CDKN2A: variants seen among roughly 807,000 people sequenced by gnomAD.
The protein encoded by CDKN2A is cyclin-dependent kinase inhibitor 2A.
A neutral mutation model predicts 11.1 loss-of-function variants in CDKN2A; 3 were observed. The ratio of observed to expected loss-of-function variants is 0.27; its 90% CI spans 0.12 to 0.70. The LOEUF (loss-of-function observed/expected upper bound fraction) is 0.70. Ranked by LOEUF, CDKN2A falls within the 30% of genes least tolerant of loss-of-function variation. The pLI is 0.77. For missense variants in CDKN2A, 265 were observed against 233.6 expected, an observed-to-expected ratio of 1.13 and a Z score of -0.88; for synonymous variants, 122 against 108.1, an observed-to-expected ratio of 1.13 and a Z score of -0.80.
chr9:21,968,641 C>T lies in CDKN2A; in HGVS notation c.458-399G>A. On this transcript the variant is annotated intron_variant, in intron 2 of 2. Coordinates refer to ENST00000304494, the MANE Select transcript of CDKN2A (RefSeq NM_000077.5). The surrounding 1 kb of genome is among the most constrained non-coding windows in gnomAD (Gnocchi z 4.7). ...CCGCATCCCCAGGCATCTTTTGCAC[C>T]TGGTGCGGAGTGAGCCAGCCAGCTT... 1.3e-6 allele frequency: 2 copies of T among 1,527,364 alleles called. No individual in the cohort carries two copies. Among genetic ancestry groups the T allele is most frequent in the East Asian group, 2.4e-5 (1 of 40,820 alleles). The allele number at this position is 1,527,364 out of a possible 1,614,324, so 94.6% of individuals were successfully genotyped here. A position where few individuals can be genotyped will look rare whatever the true frequency, so the allele number is the denominator to read the frequency against.
intron 2 of CDKN2A, among the ~76,000 whole-genome samples, chr9:21,986,265 C>T (rs563430909): frequency 6.6e-6 from 1 of 152,108 alleles, no homozygotes; most frequent in African/African-American, 2.4e-5. Context: ...CCACTTATTG[C>T]TTTTAAATTA....
At chr9:21,981,785 G>A (rs1820204321) in intron 2 of CDKN2A, among the ~76,000 whole-genome samples, 1 of 152,088 alleles carries the variant, frequency 6.6e-6, no homozygotes, top group Non-Finnish European at 1.5e-5. Context: ...AATGTGGGTG[G>A]TAAGAGCATT....
Position 21,974,488 on chromosome 9 carries a change from C to A in CDKN2A, c.150+190G>T, listed in dbSNP as rs1819929841. Reference sequence around the variant, plus strand: ...ACGCGCGTGGCTCCTCATTCCTCTTCCTTGGCTTCCCAAGCCCCCAGGGCG... The same window carrying A: ...ACGCGCGTGGCTCCTCATTCCTCTTACTTGGCTTCCCAAGCCCCCAGGGCG... On this transcript the variant is annotated intron_variant, in intron 1 of 2. Coordinates refer to ENST00000304494, the MANE Select transcript of CDKN2A (RefSeq NM_000077.5). This position sits in a 1 kb window ranked among gnomAD's most constrained non-coding sequence, Gnocchi z 5.2. The A allele has an allele frequency of 1.2e-6, 2 of 1,612,824 alleles. No individual in the cohort carries two copies. The highest frequency in any genetic ancestry group is 1.1e-5 in the South Asian group (1 of 90,226).
upstream of CDKN2A, chr9:21,974,915 GC>G: frequency 7.0e-7 from 1 of 1,435,308 alleles, no homozygotes; most frequent in Non-Finnish European, 9.1e-7. This position sits in a 1 kb window ranked among gnomAD's most constrained non-coding sequence, Gnocchi z 5.2. Flanking sequence ...TGACCAGCCA[GC>G]CCCTCCTCTT....
chr9:21,994,293 G>A lies in CDKN2A; in HGVS notation c.-175-240C>T, dbSNP rs747061582. On this transcript the variant is annotated intron_variant, in intron 1 of 3. Transcript: ENST00000494262. ...CCCTCACTCGCGGCGGGCCGCACGCGCGCCGAATCCGGAGGGTCACCAAGA... is the reference window on the plus strand; with the variant it reads ...CCCTCACTCGCGGCGGGCCGCACGCACGCCGAATCCGGAGGGTCACCAAGA... 5 of 1,604,152 alleles carry A rather than the reference G, an allele frequency of 3.1e-6. No individual in the cohort carries two copies. Among genetic ancestry groups the A allele is most frequent in the East Asian group, 2.2e-5 (1 of 44,652 alleles).
At chr9:21,990,611 T>TGAGAGAGAGAGAGAGAGAGA (rs60431211) in intron 2 of CDKN2A, among the ~76,000 whole-genome samples, 4,908 of 89,362 alleles carry the variant, frequency 0.055, 732 homozygotes, top group East Asian at 0.07. Flanking sequence ...ACTAATTTGG[T>TGAGAGAGAGAGAGAGAGAGA]GAGAGAGAGA....
intron 1 of CDKN2A, among the ~76,000 whole-genome samples, chr9:21,973,624 G>A (rs1819881917): frequency 6.6e-6 from 1 of 152,074 alleles, no homozygotes; most frequent in African/African-American, 2.4e-5. Context: ...AACAGGAGTA[G>A]GGAGAGGAGA....
In CDKN2A at chr9:21,988,633, T is replaced by C. The variant is rs1263285321; in HGVS notation, c.-4+5249A>G. 6.6e-6 allele frequency among the ~76,000 whole-genome samples: 1 copy of C among 152,128 alleles called. No homozygotes were observed. Among genetic ancestry groups the C allele is most frequent in the African/African-American group, 2.4e-5 (1 of 41,426 alleles). ...GAAAGGGAATGAGCGAGGGCTGAAA[T>C]ACTACCTACTGTGGGTACTGTGCTC... is the stretch of plus-strand genomic sequence containing the variant. On this transcript the variant is annotated intron_variant, in intron 2 of 3. Coordinates refer to the CDKN2A transcript ENST00000494262. This position sits in a 1 kb window ranked among gnomAD's most constrained non-coding sequence, Gnocchi z 4.1.
At chr9:21,994,504 A>G in intron 1 of CDKN2A, 6 of 1,136,054 alleles carry the variant, frequency 5.3e-6, no homozygotes, top group Non-Finnish European at 5.5e-6. Flanking sequence ...CCCGCCCCCC[A>G]CCTTCACCCC....
rs1563886835 is a variant in CDKN2A, at chr9:21,968,937, GTC to G, written c.458-697_458-696del. 1.3e-5 allele frequency among the ~76,000 whole-genome samples: 2 copies of G among 152,190 alleles called. No homozygotes were observed. Among genetic ancestry groups the G allele is most frequent in the Non-Finnish European group, 2.9e-5 (2 of 68,038 alleles). On this transcript the variant is annotated intron_variant, in intron 2 of 2. Transcript: ENST00000304494. The surrounding 1 kb of genome is among the most constrained non-coding windows in gnomAD (Gnocchi z 4.7). Reference sequence around the variant, plus strand: ...CCTGAGGGAGCATTTGCACTTGAAAGTCTCTTTTTACGTTTATTCCTGAGGCA... The same window carrying G: ...CCTGAGGGAGCATTTGCACTTGAAAGTCTTTTTACGTTTATTCCTGAGGCA...
intron 1 of CDKN2A, among the ~76,000 whole-genome samples, chr9:21,971,875 T>C (rs1319563345): frequency 6.6e-6 from 1 of 152,076 alleles, no homozygotes; most frequent in Non-Finnish European, 1.5e-5. Context: ...ATTTGACATT[T>C]TTGTCAAATG....
chr9:21,987,322 T>C (rs190921466), intron 2 of CDKN2A, among the ~76,000 whole-genome samples: 2 of 151,888 alleles, frequency 1.3e-5, no homozygotes, highest in African/African-American at 4.8e-5. Context: ...ATTTTTCTTT[T>C]TTACATAATT....
chr9:21,990,586 GCGGAAA>G (rs1820404871), intron 2 of CDKN2A, among the ~76,000 whole-genome samples: 1 of 130,114 alleles, frequency 7.7e-6, no homozygotes, highest in Non-Finnish European at 1.6e-5. Flanking sequence ...CTCTCATCCT[GCGGAAA>G]CCATTATAAC....
In CDKN2A at chr9:21,968,520, G is replaced by T; in HGVS notation, c.458-278C>A. ...CAGAGAAAGCGCGACCGCGCGGCCC[G>T]CAGGGTTGCAAGAAGAAAACGAGTG... On this transcript the variant is annotated intron_variant, in intron 2 of 2. Coordinates refer to ENST00000304494, the MANE Select transcript of CDKN2A (RefSeq NM_000077.5). This position sits in a 1 kb window ranked among gnomAD's most constrained non-coding sequence, Gnocchi z 4.7. 4 of 1,450,652 alleles carry T rather than the reference G, an allele frequency of 2.8e-6. No individual in the cohort carries two copies. The highest frequency in any genetic ancestry group is 3.6e-6 in the Non-Finnish European group (4 of 1,109,042). 89.9% of individuals were successfully genotyped at this position (1,450,652 alleles called of 1,614,324 possible).
rs150794256 is a variant in CDKN2A at position 21,988,178 on chromosome 9, TA to T, written c.-4+5703del. ...GAACCTCTATAAAACTTTTCTCTCT[TA>T]AAAAAATCCTACTGCCTTCACAACC... On this transcript the variant is annotated intron_variant, in intron 2 of 3. Coordinates refer to the CDKN2A transcript ENST00000494262. The surrounding 1 kb of genome is among the most constrained non-coding windows in gnomAD (Gnocchi z 4.1). Among the ~76,000 whole-genome samples the T allele has an allele frequency of 9.4e-3, 1,427 of 152,276 alleles. 111 individuals carry two copies. The East Asian group carries it at 0.19, about 21-fold the overall frequency.
intron 1 of CDKN2A, chr9:21,994,666 G>T: frequency 3.3e-6 from 1 of 303,110 alleles, no homozygotes; most frequent in South Asian, 7.1e-5. Context: ...CCCGCCTACC[G>T]CCACTTTCCC....
intron 2 of CDKN2A, among the ~76,000 whole-genome samples, chr9:21,984,275 CAGA>C (rs771165420): frequency 1.3e-4 from 19 of 151,870 alleles, no homozygotes; most frequent in Non-Finnish European, 2.8e-4. Flanking sequence ...CATGTTATGA[CAGA>C]AGAATTTCCA....
At position 21,989,522 on chromosome 9, in the gene CDKN2A, G is replaced by C. The variant is rs1472457754; in HGVS notation, c.-4+4360C>G. Reference sequence around the variant, plus strand: ...CCAGATGGAGAAACTGAGGGAAGTCGTGGCCTTTCAACACTCTTGGGTCTC... The same window carrying C: ...CCAGATGGAGAAACTGAGGGAAGTCCTGGCCTTTCAACACTCTTGGGTCTC... On this transcript the variant is annotated intron_variant, in intron 2 of 3. Coordinates refer to the CDKN2A transcript ENST00000494262. 4 of 152,136 alleles carry C rather than the reference G, an allele frequency of 2.6e-5. No individual in the cohort carries two copies. The East Asian group carries it at 7.7e-4, about 29-fold the overall frequency. 9.4% of individuals were successfully genotyped at this position (152,136 alleles called of 1,614,324 possible). A position where few individuals can be genotyped will look rare whatever the true frequency, so the allele number is the denominator to read the frequency against.
chr9:21,994,549 C>G, intron 1 of CDKN2A: 1 of 1,228,982 alleles, frequency 8.1e-7, no homozygotes, highest in Non-Finnish European at 1.1e-6. Context: ...ACCCGGACCT[C>G]CAAGATCTCG....
Sources: allele counts gnomAD v4.1 joint callset (sites outside exome capture counted in the v4.1 genomes callset), GRCh38; gene constraint gnomAD v4.1.1; non-coding constraint Gnocchi (gnomAD v3.1); transcripts MANE v1.5; gene names NCBI Gene and HGNC (gene_info 2026-07-23, HGNC 2026-07-21).